The following TIAM1 variants were observed in gnomAD, a reference collection of about 807,000 sequenced individuals.
TIAM1 encodes the protein TIAM Rac1 associated GEF 1.
TIAM1 carries 65 observed loss-of-function variants against 163.5 expected under a neutral mutation model. The observed-to-expected ratio is 0.40, with a 90% CI of 0.33 to 0.49. TIAM1 has a LOEUF of 0.49. Ranked by LOEUF, TIAM1 falls within the 20% of genes least tolerant of loss-of-function variation. The pLI is 0.77. For missense variants in TIAM1, 1,789 were observed against 2,044.7 expected, an observed-to-expected ratio of 0.87 and a Z score of 2.41; for synonymous variants, 833 against 810.1, an observed-to-expected ratio of 1.03 and a Z score of -0.48.
chr21:31,507,179 A>AT (rs572356384), intron 1 of TIAM1, among the ~76,000 whole-genome samples: 7 of 44,586 alleles, frequency 1.6e-4, no homozygotes, highest in Non-Finnish European at 1.9e-4. Flanking sequence ...CACCTTTTTA[A>AT]TTTTTTTTTT....
intron 1 of TIAM1, among the ~76,000 whole-genome samples, chr21:31,500,719 G>A (rs1012312885): frequency 2.0e-5 from 3 of 152,172 alleles, no homozygotes; most frequent in Non-Finnish European, 4.4e-5. Flanking sequence ...ACAAGTCAAG[G>A]AACTCCAAAG....
intron 9 of TIAM1, among the ~76,000 whole-genome samples, chr21:31,216,596 C>T (rs1203568861): frequency 6.6e-6 from 1 of 152,132 alleles, no homozygotes; most frequent in Non-Finnish European, 1.5e-5. Context: ...ACGGAAGTAA[C>T]CCCAGCAGGA....
At chr21:31,380,985 G>A (rs925854307) in intron 2 of TIAM1, among the ~76,000 whole-genome samples, 5 of 152,130 alleles carry the variant, frequency 3.3e-5, no homozygotes, top group Non-Finnish European at 5.9e-5. Flanking sequence ...TTCTTTCACC[G>A]ATGAGTGAGT....
Position 31,154,443 on chromosome 21 carries a change from G to C in TIAM1, c.2992-17C>G, listed in dbSNP as rs1361113450. The C allele has an allele frequency of 1.9e-6, 3 of 1,607,016 alleles. No individual in the cohort carries two copies. The highest frequency in any genetic ancestry group is 2.6e-6 in the Non-Finnish European group (3 of 1,175,084). On this transcript the variant is annotated splice_polypyrimidine_tract_variant and intron_variant, in intron 16 of 27. Transcript: ENST00000541036. ...TTCTGTACTCTTCGGAGCACAGGGG[G>C]GAAGGGAAGGCAGAGGTCATTATCC...
At position 31,478,535 on chromosome 21, in the gene TIAM1, T is replaced by C. The variant is rs1401559067; in HGVS notation, c.-421-14500A>G. Among the ~76,000 whole-genome samples the C allele has an allele frequency of 2.0e-5, 3 of 152,340 alleles. No homozygotes were observed. The East Asian group carries it at 5.8e-4, about 29-fold the overall frequency. ...TCACTCAACATTATAGCACAGAAAC[T>C]ACTTTTAAATGGAGTCCTCTGGAAC... On this transcript the variant is annotated intron_variant, in intron 1 of 28. Transcript: ENST00000286827.
chr21:31,303,512 G>T (rs1042845141), intron 2 of TIAM1, among the ~76,000 whole-genome samples: 23 of 151,196 alleles, frequency 1.5e-4, no homozygotes, highest in African/African-American at 3.7e-4. Flanking sequence ...CAAAGAATTG[G>T]TTTTTTTTTC....
At chr21:31,373,055 C>CAAAAAAA (rs71193110) in intron 2 of TIAM1, among the ~76,000 whole-genome samples, 1 of 104,698 alleles carries the variant, frequency 9.6e-6, no homozygotes, top group African/African-American at 3.7e-5. Flanking sequence ...AACTCTGTCT[C>CAAAAAAA]AAAAAAAAAA....
chr21:31,136,851 T>G (rs1281096683), intron 22 of TIAM1, among the ~76,000 whole-genome samples: 1 of 152,256 alleles, frequency 6.6e-6, no homozygotes, highest in African/African-American at 2.4e-5. Context: ...AAATTATTTC[T>G]TCTTCCAATC....
intron 1 of TIAM1, among the ~76,000 whole-genome samples, chr21:31,492,883 G>A (rs763203229): frequency 2.6e-5 from 4 of 151,400 alleles, no homozygotes; most frequent in African/African-American, 4.9e-5. Context: ...AGGTACATAC[G>A]TGCTCAGTGA....
intron 2 of TIAM1, among the ~76,000 whole-genome samples, chr21:31,277,972 C>T (rs764020979): frequency 4.6e-5 from 7 of 152,120 alleles, no homozygotes; most frequent in Non-Finnish European, 5.9e-5. Flanking sequence ...GCCCTACAGA[C>T]TAAGTTATCT....
chr21:31,453,783 A>G (rs2044977698), intron 2 of TIAM1, among the ~76,000 whole-genome samples: 1 of 112,308 alleles, frequency 8.9e-6, no homozygotes, highest in Admixed American at 1.1e-4. Context: ...ATACATTTCC[A>G]TGGGTTAAAA....
At chr21:31,462,869 A>C (rs1390735928) in intron 2 of TIAM1, among the ~76,000 whole-genome samples, 1 of 151,898 alleles carries the variant, frequency 6.6e-6, no homozygotes, top group African/African-American at 2.4e-5. Context: ...CAGCCTCCCA[A>C]GTAGCTGGGA....
chr21:31,244,782 G>A (rs1473622949), intron 6 of TIAM1, among the ~76,000 whole-genome samples: 2 of 152,162 alleles, frequency 1.3e-5, no homozygotes, highest in Non-Finnish European at 2.9e-5. Flanking sequence ...ACTATGCAGA[G>A]CACATAGGAA....
intron 6 of TIAM1, among the ~76,000 whole-genome samples, chr21:31,243,085 G>C (rs533647015): frequency 9.4e-5 from 14 of 149,376 alleles, no homozygotes; most frequent in African/African-American, 3.4e-4. Flanking sequence ...CCAGCTGCTT[G>C]GGAGGCTGAG....
At chr21:31,136,935 T>C (rs1455208202) in intron 22 of TIAM1, among the ~76,000 whole-genome samples, 1 of 152,242 alleles carries the variant, frequency 6.6e-6, no homozygotes, top group Non-Finnish European at 1.5e-5. Flanking sequence ...GATTCCTCTA[T>C]TGGCACAGGC....
chr21:31,261,164 A>G (rs528573817), intron 4 of TIAM1, among the ~76,000 whole-genome samples: 1 of 152,096 alleles, frequency 6.6e-6, no homozygotes, highest in Non-Finnish European at 1.5e-5. Flanking sequence ...AGCAGCCGTG[A>G]GGGATGGCTC....
chr21:31,325,465 C>T (rs1374806088), intron 2 of TIAM1, among the ~76,000 whole-genome samples: 1 of 151,810 alleles, frequency 6.6e-6, no homozygotes, highest in Non-Finnish European at 1.5e-5. Flanking sequence ...GTCAGGAGTT[C>T]GAGACCAGCC....
chr21:31,270,898 C>T (rs760201567), intron 3 of TIAM1, among the ~76,000 whole-genome samples: 7 of 152,160 alleles, frequency 4.6e-5, no homozygotes, highest in African/African-American at 7.2e-5. Flanking sequence ...CTGCCTAGAA[C>T]GCTCTGCCTT....
intron 1 of TIAM1, among the ~76,000 whole-genome samples, chr21:31,515,494 C>T (rs1476048120): frequency 6.6e-6 from 1 of 152,164 alleles, no homozygotes; most frequent in Non-Finnish European, 1.5e-5. Flanking sequence ...TTTACCTCCT[C>T]CCTACTTAGC....
Sources: gnomAD v4.1 joint callset for allele counts (sites outside exome capture counted in the v4.1 genomes callset) on GRCh38, gnomAD v4.1.1 for gene constraint, MANE v1.5 for transcripts, NCBI Gene and HGNC (gene_info 2026-07-23, HGNC 2026-07-21) for gene names.